The following COMMD1 variants were observed in gnomAD, a reference collection of about 807,000 sequenced individuals.
COMMD1 encodes the protein COMM domain-containing protein 1.
COMMD1 carries 10 observed loss-of-function variants against 17.2 expected under a neutral mutation model. The observed-to-expected ratio is 0.58, with a 90% CI of 0.36 to 0.99. The LOEUF (loss-of-function observed/expected upper bound fraction) is 0.99, where lower values mean the gene tolerates loss of function less well. COMMD1 is among the 50% of genes least tolerant of loss of function. The pLI, the probability that COMMD1 is intolerant of heterozygous loss-of-function variation, is 0.01. For synonymous variants in COMMD1, 97 were observed against 91.6 expected, an observed-to-expected ratio of 1.06 and a Z score of -0.34; for missense variants, 270 against 231.8, an observed-to-expected ratio of 1.17 and a Z score of -1.07.
At chr2:61,971,319 A>G (rs535213050) in intron 1 of COMMD1, among the ~76,000 whole-genome samples, 2 of 152,316 alleles carry the variant, frequency 1.3e-5, no homozygotes, top group East Asian at 3.9e-4. Flanking sequence ...GTTGGGTTGT[A>G]CAATCTAAAC....
rs540969261 is a variant in COMMD1 at position 61,899,982 on chromosome 2, C to T, written n.119+11140C>T. On this transcript the variant is annotated intron_variant and non_coding_transcript_variant, in intron 1 of 2. Coordinates refer to the COMMD1 transcript ENST00000472729. ...CCACCGCGCCCAGCCTGTATTTTCA[C>T]TTGCTTCTAAAAGAGTAATGTATTT... 1.1e-4 allele frequency among the ~76,000 whole-genome samples: 16 copies of T among 152,236 alleles called. No individual in the cohort carries two copies. The South Asian group carries it at 3.3e-3, about 32-fold the overall frequency.
chr2:62,010,261 C>T (rs951099497), intron 2 of COMMD1, among the ~76,000 whole-genome samples: 1 of 152,158 alleles, frequency 6.6e-6, no homozygotes. Context: ...TTCCAGAATA[C>T]CGCATTTGCC....
chr2:62,077,226 T>A (rs1392756586), intron 2 of COMMD1, among the ~76,000 whole-genome samples: 1 of 152,198 alleles, frequency 6.6e-6, no homozygotes, highest in Non-Finnish European at 1.5e-5. Context: ...TCTGTTAAAT[T>A]TGGTTTAAGA....
chr2:62,027,377 A>T (rs1669787397), intron 2 of COMMD1, among the ~76,000 whole-genome samples: 1 of 152,226 alleles, frequency 6.6e-6, no homozygotes, highest in African/African-American at 2.4e-5. Flanking sequence ...TGTTTATTAC[A>T]GCATAGGTAA....
chr2:62,109,307 T>C (rs1307518377), intron 2 of COMMD1, among the ~76,000 whole-genome samples: 1 of 152,186 alleles, frequency 6.6e-6, no homozygotes, highest in Non-Finnish European at 1.5e-5. Context: ...TGGGATCCAT[T>C]TCCTCCAAAG....
At chr2:62,103,060 G>C (rs1672229441) in intron 2 of COMMD1, among the ~76,000 whole-genome samples, 1 of 151,248 alleles carries the variant, frequency 6.6e-6, no homozygotes, top group Non-Finnish European at 1.5e-5. Context: ...CTCACTGCAA[G>C]CTGCGCCTCC....
At chr2:61,958,006 A>T (rs545679178) in intron 1 of COMMD1, among the ~76,000 whole-genome samples, 2 of 152,308 alleles carry the variant, frequency 1.3e-5, no homozygotes, top group East Asian at 3.9e-4. Flanking sequence ...TAGTATTATT[A>T]GCTGCTTTTG....
intron 1 of COMMD1, among the ~76,000 whole-genome samples, chr2:61,953,246 G>A (rs1475920940): frequency 6.6e-6 from 1 of 152,076 alleles, no homozygotes; most frequent in Non-Finnish European, 1.5e-5. Flanking sequence ...CTGACCTCAG[G>A]TAATCTGCCA....
At chr2:61,894,704 AAT>A (rs1491139713) in intron 1 of COMMD1, among the ~76,000 whole-genome samples, 35 of 150,498 alleles carry the variant, frequency 2.3e-4, no homozygotes, top group African/African-American at 7.0e-4. Flanking sequence ...TTAAAAAAAA[AAT>A]TTTTTTTTTT....
At chr2:61,946,009 A>G (rs1027753335) in intron 1 of COMMD1, among the ~76,000 whole-genome samples, 7 of 152,190 alleles carry the variant, frequency 4.6e-5, no homozygotes, top group Non-Finnish European at 1.0e-4. Context: ...TCCTACCTCC[A>G]CTTCCCTTCA....
intron 2 of COMMD1, among the ~76,000 whole-genome samples, chr2:62,036,433 C>T (rs932104848): frequency 3.9e-5 from 6 of 152,206 alleles, no homozygotes; most frequent in East Asian, 1.9e-4. Context: ...AGAAAACAAA[C>T]TTACATTCCA....
At chr2:62,043,039 T>C (rs1475503994) in intron 2 of COMMD1, among the ~76,000 whole-genome samples, 1 of 152,262 alleles carries the variant, frequency 6.6e-6, no homozygotes, top group African/African-American at 2.4e-5. Flanking sequence ...ACTCTGAGTC[T>C]ACAGTCTTTC....
At chr2:62,012,544 C>A (rs888732920) in intron 2 of COMMD1, among the ~76,000 whole-genome samples, 1 of 151,784 alleles carries the variant, frequency 6.6e-6, no homozygotes, top group African/African-American at 2.4e-5. Context: ...TCTTGAACTC[C>A]CGACCTCAGT....
chr2:61,938,559 C>T (rs1316142194), intron 1 of COMMD1, among the ~76,000 whole-genome samples: 3 of 152,194 alleles, frequency 2.0e-5, no homozygotes, highest in Non-Finnish European at 2.9e-5. Context: ...TCCAAGCACA[C>T]GTTCCTTGCT....
At chr2:62,013,479 A>G (rs1669345904) in intron 2 of COMMD1, among the ~76,000 whole-genome samples, 1 of 152,164 alleles carries the variant, frequency 6.6e-6, no homozygotes, top group South Asian at 2.1e-4. Context: ...TTATTATAAT[A>G]TGTTCCAAAA....
At chr2:62,065,348 T>G (rs1671003817) in intron 2 of COMMD1, among the ~76,000 whole-genome samples, 1 of 143,452 alleles carries the variant, frequency 7.0e-6, no homozygotes, top group African/African-American at 2.6e-5. Context: ...CTTTTTTTTT[T>G]TTTTTTTTTT....
At chr2:62,038,685 C>T (rs1670105789) in intron 2 of COMMD1, among the ~76,000 whole-genome samples, 2 of 151,954 alleles carry the variant, frequency 1.3e-5, no homozygotes, top group South Asian at 4.2e-4. Flanking sequence ...AGTAGCTGGA[C>T]TTACAGGCAT....
intron 2 of COMMD1, among the ~76,000 whole-genome samples, chr2:62,003,124 T>A (rs1448768013): frequency 6.6e-6 from 1 of 151,762 alleles, no homozygotes; most frequent in African/African-American, 2.4e-5. Context: ...TCCTAGCTAC[T>A]TGGGAGGCTG....
At chr2:62,104,270 T>A (rs547469605) in intron 2 of COMMD1, among the ~76,000 whole-genome samples, 5 of 152,278 alleles carry the variant, frequency 3.3e-5, no homozygotes, top group Admixed American at 3.3e-4. Context: ...AGGCAGAGGA[T>A]CACTTGAGGC....
Sources: allele counts gnomAD v4.1 joint callset (sites outside exome capture counted in the v4.1 genomes callset), GRCh38; gene constraint gnomAD v4.1.1; transcripts MANE v1.5; gene names NCBI Gene and HGNC (gene_info 2026-07-23, HGNC 2026-07-21).